The following SCAPER variants were observed in gnomAD, a reference collection of about 807,000 sequenced individuals.
The protein encoded by SCAPER is S phase cyclin A-associated protein in the endoplasmic reticulum.
SCAPER carries 98 observed loss-of-function variants against 182.2 expected under a neutral mutation model. The observed-to-expected ratio is 0.54, with a 90% CI of 0.46 to 0.64. The LOEUF is 0.64. Ranked by LOEUF, SCAPER falls within the 30% of genes least tolerant of loss-of-function variation. The probability of loss-of-function intolerance (pLI) is 0.00; values close to 1 mark genes in which losing one functional copy is unlikely to be tolerated. For missense variants in SCAPER, 1,432 were observed against 1,690.0 expected, an observed-to-expected ratio of 0.85 and a Z score of 2.68; for synonymous variants, 605 against 564.6, an observed-to-expected ratio of 1.07 and a Z score of -1.01.
chr15:76,894,814 C>A (rs1405914382), intron 1 of SCAPER, among the ~76,000 whole-genome samples: 2 of 152,030 alleles, frequency 1.3e-5, no homozygotes, highest in African/African-American at 2.4e-5. Context: ...TAGAAATATA[C>A]AACCTACCAA....
At chr15:76,687,025 A>T (rs1308143150) in intron 20 of SCAPER, among the ~76,000 whole-genome samples, 1 of 152,170 alleles carries the variant, frequency 6.6e-6, no homozygotes, top group African/African-American at 2.4e-5. Context: ...AATGCTTCAT[A>T]TTCTTAAAAG....
intron 5 of SCAPER, among the ~76,000 whole-genome samples, chr15:76,819,539 G>A (rs1011442364): frequency 2.6e-5 from 4 of 152,122 alleles, no homozygotes; most frequent in Admixed American, 6.5e-5. Flanking sequence ...AATGTTAGAA[G>A]GAAAACTAAC....
chr15:76,445,544 G>C (rs769671521), intron 25 of SCAPER, among the ~76,000 whole-genome samples: 3 of 152,192 alleles, frequency 2.0e-5, no homozygotes, highest in Non-Finnish European at 4.4e-5. Flanking sequence ...TCATTATCAG[G>C]TGAGGGCAGG....
chr15:76,645,624 C>T (rs912365646), intron 21 of SCAPER, among the ~76,000 whole-genome samples: 9 of 151,790 alleles, frequency 5.9e-5, no homozygotes, highest in African/African-American at 2.2e-4. Context: ...AGTTTATCCT[C>T]CCTGGAATTA....
intron 17 of SCAPER, among the ~76,000 whole-genome samples, chr15:76,717,238 T>C (rs1486334207): frequency 6.8e-6 from 1 of 147,934 alleles, no homozygotes; most frequent in African/African-American, 2.5e-5. Context: ...CCCAGACAAA[T>C]AAAAGTTGAA....
At position 76,601,747 on chromosome 15, in the gene SCAPER, C is replaced by G. The variant is rs146653179; in HGVS notation, c.2711+20017G>C. 1.5e-3 allele frequency among the ~76,000 whole-genome samples: 177 copies of G among 121,978 alleles called. 12 individuals carry two copies. The highest frequency in any genetic ancestry group is 4.2e-3 in the African/African-American group (167 of 39,930). The allele number at this position is 121,978 out of a possible 152,430, so 80.0% of individuals were successfully genotyped here. A position where few individuals can be genotyped will look rare whatever the true frequency, so the allele number is the denominator to read the frequency against. ...TTTCAAATAATGCTATACTGCTTCA[C>G]AGGTAGTGCTGTGAAATACCTTATA... On this transcript the variant is annotated intron_variant, in intron 22 of 31. Transcript: ENST00000563290.
Position 76,698,593 on chromosome 15 carries a change from T to G in SCAPER, c.2508+3165A>C, listed in dbSNP as rs202056658. Among the ~76,000 whole-genome samples the G allele has an allele frequency of 2.0e-5, 3 of 152,248 alleles. No homozygotes were observed. In the East Asian group the frequency reaches 5.8e-4, roughly 29 times the overall value. ...TACTTCCTTCAGGGTTTATGCCAAT[T>G]TTTGGCATGGGAGAACAGTGCAAGC... On this transcript the variant is annotated intron_variant, in intron 20 of 31. Transcript: ENST00000563290.
intron 23 of SCAPER, among the ~76,000 whole-genome samples, chr15:76,544,836 G>A (rs1420508213): frequency 6.6e-6 from 1 of 152,108 alleles, no homozygotes; most frequent in Admixed American, 6.6e-5. Context: ...TCTCTTTAAG[G>A]TTGATATATG....
At chr15:76,676,308 T>C (rs2057367492) in intron 20 of SCAPER, among the ~76,000 whole-genome samples, 1 of 152,168 alleles carries the variant, frequency 6.6e-6, no homozygotes, top group Non-Finnish European at 1.5e-5. Context: ...CACAGAAATT[T>C]TACCTCCTTT....
chr15:76,778,943 G>T (rs1449296972), intron 8 of SCAPER, among the ~76,000 whole-genome samples: 8 of 151,834 alleles, frequency 5.3e-5, no homozygotes, highest in East Asian at 1.9e-4. Flanking sequence ...AATCAGGAGA[G>T]GGTAAGTAAT....
At chr15:76,499,759 A>G (rs1219666625) in intron 24 of SCAPER, among the ~76,000 whole-genome samples, 2 of 152,326 alleles carry the variant, frequency 1.3e-5, no homozygotes, top group East Asian at 3.9e-4. Context: ...GGGCTGACAC[A>G]AAGTTAAGGA....
intron 14 of SCAPER, among the ~76,000 whole-genome samples, chr15:76,756,243 CAAAAA>C (rs34158299): frequency 7.6e-5 from 5 of 66,018 alleles, no homozygotes; most frequent in African/African-American, 1.4e-4. Context: ...GACTCCGTCT[CAAAAA>C]AAAAAAAAAA....
At chr15:76,787,122 G>C (rs1226403150) in intron 8 of SCAPER, among the ~76,000 whole-genome samples, 2 of 152,032 alleles carry the variant, frequency 1.3e-5, no homozygotes, top group Admixed American at 1.3e-4. Flanking sequence ...TAACATTTTT[G>C]ATGTAAATAA....
chr15:76,775,256 T>C, intron 8 of SCAPER, 139 bp from the exon 9 acceptor site: 1 of 666,418 alleles, frequency 1.5e-6, no homozygotes, highest in Non-Finnish European at 2.4e-6. Context: ...TTATACAAAA[T>C]GTATATTTGT....
chr15:76,480,455 G>A (rs973218536), intron 24 of SCAPER, among the ~76,000 whole-genome samples: 6 of 152,220 alleles, frequency 3.9e-5, no homozygotes, highest in African/African-American at 1.4e-4. Flanking sequence ...CCCTGCAGGA[G>A]TGGCCCACCT....
chr15:76,588,799 G>C (rs941404421), intron 22 of SCAPER, among the ~76,000 whole-genome samples: 1 of 152,054 alleles, frequency 6.6e-6, no homozygotes, highest in Non-Finnish European at 1.5e-5. Flanking sequence ...TGATTTTTGG[G>C]GGGGGTGTTA....
chr15:76,847,142 C>A (rs1042714831), intron 4 of SCAPER, among the ~76,000 whole-genome samples: 1 of 151,914 alleles, frequency 6.6e-6, no homozygotes, highest in Non-Finnish European at 1.5e-5. Flanking sequence ...TAGCTAAATA[C>A]CATATCAATT....
intron 21 of SCAPER, among the ~76,000 whole-genome samples, chr15:76,633,403 G>C (rs2053316149): frequency 6.6e-6 from 1 of 152,234 alleles, no homozygotes; most frequent in Admixed American, 6.5e-5. Flanking sequence ...CAGTCAGGAG[G>C]AACGGGATCA....
chr15:76,467,778 G>A (rs1014286281), intron 25 of SCAPER, among the ~76,000 whole-genome samples: 2 of 152,042 alleles, frequency 1.3e-5, no homozygotes, highest in Admixed American at 1.3e-4. Context: ...TGTGCTTCTA[G>A]AGTGATGGAA....
Sources: gnomAD v4.1 joint callset for allele counts (sites outside exome capture counted in the v4.1 genomes callset) on GRCh38, gnomAD v4.1.1 for gene constraint, MANE v1.5 for transcripts, NCBI Gene and HGNC (gene_info 2026-07-23, HGNC 2026-07-21) for gene names.